Variants in MCL1 observed in about 807,000 individuals in gnomAD.
MCL1 encodes the protein induced myeloid leukemia cell differentiation protein Mcl-1.
In MCL1, 4 loss-of-function variants were observed where a neutral mutation model predicts 24.2. The observed-to-expected ratio is 0.17, with a 90% confidence interval of 0.08 to 0.38. MCL1 has a LOEUF of 0.38. Among genes scored for constraint, MCL1 ranks in the 10% least tolerant of loss-of-function variants. MCL1 has a pLI of 1.00. For missense variants in MCL1, 529 were observed against 480.3 expected, an observed-to-expected ratio of 1.10 and a Z score of -0.95; for synonymous variants, 248 against 214.0, an observed-to-expected ratio of 1.16 and a Z score of -1.39.
In MCL1 at chr1:150,579,118, G is replaced by C; in HGVS notation, c.413C>G (p.Pro138Arg). The part of the protein sequence containing the change: ...GYEPEPLGKR[P>R]AVLPLLELVG... The stretch of plus-strand genomic sequence containing the variant: ...CAACTCCAGCAGCGGCAGGACAGCC[G>C]GCCGCTTCCCGAGAGGCTCCGGCTC... Residue 138 changes from proline to arginine, a missense_variant, in exon 1 of 3, where the codon CCG becomes CGG. By Grantham distance (103) the Pro-to-Arg change is moderately radical (BLOSUM62 -2). Coordinates refer to ENST00000369026, the MANE Select transcript of MCL1 (RefSeq NM_021960.5). 2 of 1,612,874 alleles carry C rather than the reference G, an allele frequency of 1.2e-6. No individual in the cohort carries two copies. The highest frequency in any genetic ancestry group is 1.7e-6 in the Non-Finnish European group (2 of 1,180,030).
rs1031695058 is a variant in MCL1, at chr1:150,575,383, A to G, written c.*1992T>C. The G allele has an allele frequency of 1.1e-4, 25 of 232,904 alleles. No individual in the cohort carries two copies. The highest frequency in any genetic ancestry group is 5.3e-4 in the African/African-American group (24 of 45,320). The allele number at this position is 232,904 out of a possible 1,614,324, so 14.4% of individuals were successfully genotyped here. On this transcript the variant is annotated 3_prime_UTR_variant, in exon 3 of 3. Coordinates refer to ENST00000369026, the MANE Select transcript of MCL1 (RefSeq NM_021960.5). ...GCTTTCAAATGACCCTAGTTCCAAT[A>G]TAGACACTTTCTTCAGTTTATCAGT...
At position 150,578,506 on chromosome 1, in the gene MCL1, C is replaced by G. The variant is rs751762721; in HGVS notation, c.689-15G>C. ...CCGAAGCATGCCTGAGAAAGAAAAG[C>G]ATGCAGGTCCTCACGGCCTCCTTTG... On this transcript the variant is annotated splice_polypyrimidine_tract_variant and intron_variant, in intron 1 of 2. Transcript: ENST00000369026. 6.2e-7 allele frequency: 1 copy of G among 1,613,386 alleles called. No homozygotes were observed. The highest frequency in any genetic ancestry group is 8.5e-7 in the Non-Finnish European group (1 of 1,179,648).
Position 150,577,013 on chromosome 1 carries a change from G to A in MCL1, c.*362C>T, listed in dbSNP as rs747963232. ...ACTACAGTAAATTAATGAATTCGGC[G>A]GGTAATCAATTCTATGACTTGCCTG... is the stretch of plus-strand genomic sequence containing the variant. On this transcript the variant is annotated 3_prime_UTR_variant, in exon 3 of 3. Transcript: ENST00000369026. 109 of 282,774 alleles carry A rather than the reference G, an allele frequency of 3.9e-4. No individual in the cohort carries two copies. Among genetic ancestry groups the A allele is most frequent in the Admixed American group, 8.0e-4 (17 of 21,164 alleles). The allele number at this position is 282,774 out of a possible 1,614,324, so 17.5% of individuals were successfully genotyped here.
rs1324396727 is a variant in MCL1, at chr1:150,579,480, C to T, written c.51G>A (p.Gly17=). 1.9e-5 allele frequency: 30 copies of T among 1,595,380 alleles called. No homozygotes were observed. Among genetic ancestry groups the T allele is most frequent in the African/African-American group, 2.8e-5 (2 of 72,158 alleles). Residue 17 remains glycine (G), a synonymous_variant, in exon 1 of 3, where the codon GGG becomes GGA. Coordinates refer to ENST00000369026, the MANE Select transcript of MCL1 (RefSeq NM_021960.5). ...CGCTGCCGGCCCCCAAGCCGGCCCC[C>T]CCACAGTAGAGGTTGAGTCCGATTA... ...NAVIGLNLYC[G]GAGLGAGSGG...
In MCL1 at chr1:150,576,523, ACT is replaced by A. The variant is rs1647813135; in HGVS notation, c.*850_*851del. ...TTACACATCAATTCGTTCTGTATAC[ACT>A]CTAGAACTGAACAGAACAAAGTTTA... On this transcript the variant is annotated 3_prime_UTR_variant, in exon 3 of 3. Coordinates refer to ENST00000369026, the MANE Select transcript of MCL1 (RefSeq NM_021960.5). 1 of 232,580 alleles carries A rather than the reference ACT, an allele frequency of 4.3e-6. No homozygotes were observed. Among genetic ancestry groups the A allele is most frequent in the Non-Finnish European group, 8.5e-6 (1 of 117,492 alleles). 14.4% of individuals were successfully genotyped at this position (232,580 alleles called of 1,614,324 possible).
Position 150,577,266 on chromosome 1 carries a change from GT to G in MCL1, c.*108del. On this transcript the variant is annotated 3_prime_UTR_variant, in exon 3 of 3. Transcript: ENST00000369026. ...TCTTGCCACTTGCTTTTCTGGCTAG[GT>G]TGCTAGGGTGCAACTCTAGGAAGTT... 7.1e-7 allele frequency: 1 copy of G among 1,411,014 alleles called. No homozygotes were observed. Among genetic ancestry groups the G allele is most frequent in the South Asian group, 1.4e-5 (1 of 70,566 alleles). 87.4% of individuals were successfully genotyped at this position (1,411,014 alleles called of 1,614,324 possible).
rs2101693413 is a variant in MCL1, at chr1:150,577,412, G to A, written c.1016C>T (p.Ala339Val). ...ATATGCCAAACCAGCTCCTACTCCA[G>A]CAACACCTGCAAAAGCCAGCAGCAC... ...RNVLLAFAGV[A>V]GVGAGLAYLI... Residue 339 changes from alanine to valine, a missense_variant, in exon 3 of 3, where the codon GCT (alanine) becomes GTT (valine). Coordinates refer to ENST00000369026, the MANE Select transcript of MCL1 (RefSeq NM_021960.5). The A allele has an allele frequency of 6.2e-7, 1 of 1,613,922 alleles. No homozygotes were observed. The highest frequency in any genetic ancestry group is 2.2e-5 in the East Asian group (1 of 44,882).
In MCL1 at chr1:150,574,657, C is replaced by T. The variant is rs1015142685; in HGVS notation, c.*2718G>A. The T allele has an allele frequency of 4.3e-6, 1 of 233,002 alleles. No individual in the cohort carries two copies. Among genetic ancestry groups the T allele is most frequent in the Non-Finnish European group, 8.5e-6 (1 of 117,784 alleles). The allele number at this position is 233,002 out of a possible 1,614,324, so 14.4% of individuals were successfully genotyped here. ...CATTAATTTGTAGTTGGTCCTAACC[C>T]TTCCTGGCACAGCTATCAAAAGTAC... On this transcript the variant is annotated 3_prime_UTR_variant, in exon 3 of 3. Transcript: ENST00000369026.
In MCL1 at chr1:150,579,571, GA is replaced by G. The variant is rs769369093; in HGVS notation, c.-42del. ...CCGCCTGGCTGAGAAAACTGGGGAA[GA>G]CCCCGACTCCTTACTGGAAGGAAGC... is the stretch of plus-strand genomic sequence containing the variant. On this transcript the variant is annotated 5_prime_UTR_variant, in exon 1 of 3. Transcript: ENST00000369026. 3 of 1,562,244 alleles carry G rather than the reference GA, an allele frequency of 1.9e-6. No homozygotes were observed. The highest frequency in any genetic ancestry group is 2.6e-6 in the Non-Finnish European group (3 of 1,152,868).
chr1:150,577,524 G>C (rs1647862216), intron 2 of MCL1, 33 bp from the exon 3 acceptor site: 1 of 1,497,970 alleles, frequency 6.7e-7, no homozygotes, highest in South Asian at 1.2e-5. Context: ...ACATTTTCAA[G>C]TATGGGTTTC....
In MCL1 at chr1:150,576,690, CA is replaced by C. The variant is rs1208960786; in HGVS notation, c.*684del. ...TCTGTAAAAATATATACAATTTTTA[CA>C]AATACATTTACAAGCTGTCTTAAGA... On this transcript the variant is annotated 3_prime_UTR_variant, in exon 3 of 3. Coordinates refer to ENST00000369026, the MANE Select transcript of MCL1 (RefSeq NM_021960.5). 2 of 232,072 alleles carry C rather than the reference CA, an allele frequency of 8.6e-6. No individual in the cohort carries two copies. The highest frequency in any genetic ancestry group is 1.7e-5 in the Non-Finnish European group (2 of 117,280). 14.4% of individuals were successfully genotyped at this position (232,072 alleles called of 1,614,324 possible).
rs767724723 is a variant in MCL1 at position 150,579,107 on chromosome 1, G to A, written c.424C>T (p.Pro142Ser). Residue 142 changes from proline to serine, a missense_variant, in exon 1 of 3, where the codon CCG becomes TCG. Physicochemically the swap from Pro to Ser is moderately conservative, Grantham distance 74. Transcript: ENST00000369026. The stretch of plus-strand genomic sequence containing the variant: ...GATTCCCCGACCAACTCCAGCAGCG[G>A]CAGGACAGCCGGCCGCTTCCCGAGA... Reference protein sequence around the residue: ...EPLGKRPAVLPLLELVGESGN... With the variant: ...EPLGKRPAVLSLLELVGESGN... 5 of 1,612,908 alleles carry A rather than the reference G, an allele frequency of 3.1e-6. No individual in the cohort carries two copies. In the African/African-American group the frequency reaches 6.7e-5, roughly 22 times the overall value.
At position 150,579,456 on chromosome 1, in the gene MCL1, G is replaced by A. The variant is rs1378207194; in HGVS notation, c.75C>T (p.Ser25=). The change falls in exon 1 of 3, where the codon AGC becomes AGT. Residue 25 remains serine (S), a synonymous_variant. Transcript: ENST00000369026. ...GCCCTCCCGGGCGGGTGGCGCCGCC[G>A]CTGCCGGCCCCCAAGCCGGCCCCCC... ...YCGGAGLGAG[S]GGATRPGGRL... The A allele has an allele frequency of 6.3e-7, 1 of 1,591,808 alleles. No homozygotes were observed. The highest frequency in any genetic ancestry group is 8.5e-7 in the Non-Finnish European group (1 of 1,171,206).
chr1:150,578,562 C>T (rs2101696662), intron 1 of MCL1, 71 bp from the exon 2 acceptor site: 2 of 1,574,404 alleles, frequency 1.3e-6, no homozygotes. Flanking sequence ...GCCTGCCCAC[C>T]CGCGGCGGGA....
rs769307146 is a variant in MCL1, at chr1:150,576,880, A to C, written c.*495T>G. 1 of 233,690 alleles carries C rather than the reference A, an allele frequency of 4.3e-6. No homozygotes were observed. Among genetic ancestry groups the C allele is most frequent in the Non-Finnish European group, 8.5e-6 (1 of 118,064 alleles). The allele number at this position is 233,690 out of a possible 1,614,324, so 14.5% of individuals were successfully genotyped here. A position where few individuals can be genotyped will look rare whatever the true frequency, so the allele number is the denominator to read the frequency against. On this transcript the variant is annotated 3_prime_UTR_variant, in exon 3 of 3. Transcript: ENST00000369026. ...TCTAAGAAGTATACTGGGAAAGCTAATTAGAGAGAGGAAAAGCTTCCCTTG... is the reference window on the plus strand; with the variant it reads ...TCTAAGAAGTATACTGGGAAAGCTACTTAGAGAGAGGAAAAGCTTCCCTTG...
Position 150,577,343 on chromosome 1 carries a change from G to GT in MCL1, c.*31dup. ...CTGGTTTTGGTGGTGGTGGTGGTTGGTTAAAAGTCAACTATTGCACTTACA... is the reference window on the plus strand; with the variant it reads ...CTGGTTTTGGTGGTGGTGGTGGTTGGTTTAAAAGTCAACTATTGCACTTACA... On this transcript the variant is annotated 3_prime_UTR_variant, in exon 3 of 3. Transcript: ENST00000369026. 2 of 1,606,378 alleles carry GT rather than the reference G, an allele frequency of 1.2e-6. No individual in the cohort carries two copies. The highest frequency in any genetic ancestry group is 1.7e-6 in the Non-Finnish European group (2 of 1,177,396).
At position 150,575,320 on chromosome 1, in the gene MCL1, T is replaced by C. The variant is rs962022949; in HGVS notation, c.*2055A>G. ...CATCTTATTCATACCTATTTTTAAA[T>C]GGAGTCCACAGACTAAAGGTCATGT... is the stretch of plus-strand genomic sequence containing the variant. On this transcript the variant is annotated 3_prime_UTR_variant, in exon 3 of 3. Coordinates refer to ENST00000369026, the MANE Select transcript of MCL1 (RefSeq NM_021960.5). 7.7e-5 allele frequency: 18 copies of C among 233,410 alleles called. No homozygotes were observed. The highest frequency in any genetic ancestry group is 3.7e-4 in the African/African-American group (17 of 45,462). The allele number at this position is 233,410 out of a possible 1,614,324, so 14.5% of individuals were successfully genotyped here. A position where few individuals can be genotyped will look rare whatever the true frequency, so the allele number is the denominator to read the frequency against.
Position 150,574,754 on chromosome 1 carries a change from T to C in MCL1, c.*2621A>G. ...TGAAACACTAGAGGACTGCATGTTT[T>C]TCCCTGAGAGAAGCGTAAGACAAAC... On this transcript the variant is annotated 3_prime_UTR_variant, in exon 3 of 3. Transcript: ENST00000369026. 1 of 233,156 alleles carries C rather than the reference T, an allele frequency of 4.3e-6. No individual in the cohort carries two copies. Among genetic ancestry groups the C allele is most frequent in the Non-Finnish European group, 8.5e-6 (1 of 117,734 alleles). The allele number at this position is 233,156 out of a possible 1,614,324, so 14.4% of individuals were successfully genotyped here.
In MCL1 at chr1:150,578,348, A is replaced by C; in HGVS notation, c.832T>G (p.Leu278Val). 6.2e-7 allele frequency: 1 copy of C among 1,614,208 alleles called. No homozygotes were observed. The highest frequency in any genetic ancestry group is 8.5e-7 in the Non-Finnish European group (1 of 1,180,034). The change falls in exon 2 of 3, where the codon TTG becomes GTG. Residue 278 changes from leucine (L) to valine (V), a missense_variant. Physicochemically the swap from Leu to Val is conservative, Grantham distance 32. Coordinates refer to ENST00000369026, the MANE Select transcript of MCL1 (RefSeq NM_021960.5). The stretch of plus-strand genomic sequence containing the variant: ...CAGCTTTCTTGGTTTATGGTCTTCA[A>C]GTGTTTAGCCACAAAGGCACCAAAA... ...ISFGAFVAKH[L>V]KTINQESCIE...
Sources: allele counts gnomAD v4.1 joint callset, GRCh38; gene constraint gnomAD v4.1.1; transcripts MANE v1.5; gene names NCBI Gene and HGNC (gene_info 2026-07-23, HGNC 2026-07-21).